ANAPC1: variants seen among roughly 807,000 people sequenced by gnomAD.
ANAPC1 encodes the protein anaphase-promoting complex subunit 1.
A neutral mutation model predicts 208.0 loss-of-function variants in ANAPC1; 36 were observed. That is an observed-to-expected ratio of 0.17 (90% CI 0.13 to 0.23). ANAPC1 has a LOEUF of 0.23. ANAPC1 is among the 10% of genes least tolerant of loss of function. ANAPC1 has a pLI of 1.00. For missense variants in ANAPC1, 942 were observed against 2,011.6 expected (o/e 0.47, Z 10.17); for synonymous variants, 378 against 695.2 (o/e 0.54, Z 7.18).
rs748688033 is a variant in ANAPC1 at position 111,858,259 on chromosome 2, A to C, written c.1358+47T>G. On this transcript the variant is annotated intron_variant, in intron 11 of 47. Coordinates refer to ENST00000341068, the MANE Select transcript of ANAPC1 (RefSeq NM_022662.4). ...AGGAAAGAAAAGAAAAAGAAAAAGCAGTGCTAAGTTATTTATACAGAAACA... is the reference window on the plus strand; with the variant it reads ...AGGAAAGAAAAGAAAAAGAAAAAGCCGTGCTAAGTTATTTATACAGAAACA... 3 of 1,396,106 alleles carry C rather than the reference A, an allele frequency of 2.1e-6. No homozygotes were observed. The Admixed American group carries it at 6.9e-5, about 32-fold the overall frequency. 86.5% of individuals were successfully genotyped at this position (1,396,106 alleles called of 1,614,324 possible).
chr2:111,866,642 T>C (rs1682431397), intron 7 of ANAPC1, among the ~76,000 whole-genome samples: 1 of 150,016 alleles, frequency 6.7e-6, no homozygotes, highest in Admixed American at 6.7e-5. Context: ...GAGAATCGCT[T>C]GAACCTGGGA....
intron 2 of ANAPC1, chr2:111,880,402 A>C: frequency 9.6e-7 from 1 of 1,040,344 alleles, no homozygotes; most frequent in South Asian, 2.8e-5. Context: ...TAAAAAATAA[A>C]TAAAACCACA....
intron 13 of ANAPC1, among the ~76,000 whole-genome samples, chr2:111,854,458 C>T (rs1573468892): frequency 1.3e-5 from 2 of 152,330 alleles, no homozygotes; most frequent in African/African-American, 4.8e-5. Flanking sequence ...TAGCCCCTAA[C>T]AAGAGAGTCA....
intron 6 of ANAPC1, among the ~76,000 whole-genome samples, chr2:111,869,386 G>A (rs1413048045): frequency 6.6e-6 from 1 of 152,054 alleles, no homozygotes; most frequent in Non-Finnish European, 1.5e-5. Context: ...TGGGATTACA[G>A]GCACCTGCCA....
intron 46 of ANAPC1, among the ~76,000 whole-genome samples, chr2:111,773,130 A>C (rs915353032): frequency 6.6e-6 from 1 of 152,280 alleles, no homozygotes; most frequent in Non-Finnish European, 1.5e-5. Context: ...CATTTTTTCA[A>C]TAAGAGACAT....
rs1255332080 is a variant in ANAPC1 at position 111,835,877 on chromosome 2, T to A, written c.2116-1005A>T. ...TAAAATAAAATAAAAAACTGATAAATTGGATAACTAAAATAAAAAATTCTG... is the reference window on the plus strand; with the variant it reads ...TAAAATAAAATAAAAAACTGATAAAATGGATAACTAAAATAAAAAATTCTG... On this transcript the variant is annotated intron_variant, in intron 18 of 47. Coordinates refer to ENST00000341068, the MANE Select transcript of ANAPC1 (RefSeq NM_022662.4). Among the ~76,000 whole-genome samples the A allele has an allele frequency of 2.0e-5, 3 of 151,998 alleles. No homozygotes were observed. The East Asian group carries it at 5.8e-4, about 29-fold the overall frequency.
intron 38 of ANAPC1, among the ~76,000 whole-genome samples, chr2:111,790,167 G>T (rs1299903221): frequency 7.8e-3 from 1,167 of 149,466 alleles, no homozygotes; most frequent in East Asian, 0.037. Flanking sequence ...ATATACAGGG[G>T]TATACCATAT....
At chr2:111,840,452 T>C (rs1680701036) in intron 17 of ANAPC1, among the ~76,000 whole-genome samples, 2 of 152,138 alleles carry the variant, frequency 1.3e-5, no homozygotes, top group South Asian at 4.1e-4. Flanking sequence ...CCTTTATAAT[T>C]ATCATGCAAT....
At position 111,824,889 on chromosome 2, in the gene ANAPC1, T is replaced by C; in HGVS notation, c.2812+77A>G. The C allele has an allele frequency of 2.6e-6, 4 of 1,525,940 alleles. No individual in the cohort carries two copies. In the South Asian group the frequency reaches 3.4e-5, roughly 13 times the overall value. 94.5% of individuals were successfully genotyped at this position (1,525,940 alleles called of 1,614,324 possible). On this transcript the variant is annotated intron_variant, in intron 24 of 47. Coordinates refer to ENST00000341068, the MANE Select transcript of ANAPC1 (RefSeq NM_022662.4). Reference sequence around the variant, plus strand: ...GGCCTTTTCACAAAGCCAGAGCCCCTCTCTCCTCATGCCTTCCACTTCTAG... The same window carrying C: ...GGCCTTTTCACAAAGCCAGAGCCCCCCTCTCCTCATGCCTTCCACTTCTAG...
At chr2:111,795,242 C>T (rs1483532461) in intron 34 of ANAPC1, among the ~76,000 whole-genome samples, 8 of 152,062 alleles carry the variant, frequency 5.3e-5, no homozygotes, top group Non-Finnish European at 7.4e-5. Flanking sequence ...ATTAGCTGGG[C>T]GTGGTGGCGC....
chr2:111,874,236 G>GT (rs754841383), intron 3 of ANAPC1, among the ~76,000 whole-genome samples: 4 of 151,230 alleles, frequency 2.6e-5, no homozygotes, highest in East Asian at 1.9e-4. Flanking sequence ...AGCATTTTGT[G>GT]TTTTTTTTTA....
intron 26 of ANAPC1, among the ~76,000 whole-genome samples, chr2:111,820,202 C>T (rs1237751085): frequency 1.3e-5 from 2 of 152,038 alleles, no homozygotes; most frequent in Non-Finnish European, 2.9e-5. Flanking sequence ...ATGAACTCTA[C>T]TACTAATAAT....
chr2:111,860,811 G>A (rs997845580), intron 10 of ANAPC1, among the ~76,000 whole-genome samples: 1 of 151,632 alleles, frequency 6.6e-6, no homozygotes, highest in Non-Finnish European at 1.5e-5. Context: ...TAACTATTTG[G>A]AGGCCACAAA....
At chr2:111,851,929 A>G (rs1018772164) in intron 13 of ANAPC1, among the ~76,000 whole-genome samples, 20 of 152,194 alleles carry the variant, frequency 1.3e-4, no homozygotes, top group Admixed American at 9.8e-4. Context: ...TGATAAGACT[A>G]AAAAGGAGAT....
chr2:111,829,533 G>A (rs1247919258), intron 21 of ANAPC1, among the ~76,000 whole-genome samples: 1 of 152,164 alleles, frequency 6.6e-6, no homozygotes, highest in African/African-American at 2.4e-5. Context: ...TCCAGGATGG[G>A]GGGACTGAGG....
chr2:111,824,085 TTAAC>T (rs1316650648), intron 24 of ANAPC1, among the ~76,000 whole-genome samples: 12 of 150,988 alleles, frequency 7.9e-5, no homozygotes, highest in East Asian at 1.9e-4. Context: ...AAAAAGTCGA[TTAAC>T]TATTGAGGCA....
chr2:111,797,382 G>A (rs537521546), intron 34 of ANAPC1, among the ~76,000 whole-genome samples: 2 of 152,096 alleles, frequency 1.3e-5, no homozygotes, highest in African/African-American at 2.4e-5. Context: ...ATGAAGGAGT[G>A]AAAGAAAAAG....
chr2:111,878,983 A>G lies in ANAPC1; in HGVS notation c.214-12T>C, dbSNP rs1683159045. ...AACTGCCAGCTTTCCTTAAAAATTA[A>G]CACATGTAAAACATATTCAAGCACT... On this transcript the variant is annotated splice_polypyrimidine_tract_variant and intron_variant, in intron 2 of 47. Coordinates refer to ENST00000341068, the MANE Select transcript of ANAPC1 (RefSeq NM_022662.4). 6.3e-7 allele frequency: 1 copy of G among 1,590,252 alleles called. No individual in the cohort carries two copies. Among genetic ancestry groups the G allele is most frequent in the Admixed American group, 1.9e-5 (1 of 53,774 alleles).
At chr2:111,804,187 A>AT (rs1334213727) in intron 30 of ANAPC1, among the ~76,000 whole-genome samples, 3 of 141,512 alleles carry the variant, frequency 2.1e-5, no homozygotes, top group African/African-American at 7.9e-5. Flanking sequence ...TTTTCCAACA[A>AT]TAACTATGAT....
Sources: gnomAD v4.1 joint callset for allele counts (sites outside exome capture counted in the v4.1 genomes callset) on GRCh38, gnomAD v4.1.1 for gene constraint, MANE v1.5 for transcripts, NCBI Gene and HGNC (gene_info 2026-07-23, HGNC 2026-07-21) for gene names.